Variants in RECQL5 observed in about 807,000 individuals in gnomAD.
RECQL5 encodes the protein RecQ like helicase 5.
A neutral mutation model predicts 103.4 loss-of-function variants in RECQL5; 88 were observed. The observed-to-expected ratio is 0.85, with a 90% CI of 0.72 to 1.02. The LOEUF is 1.02. RECQL5 is among the 50% of genes least tolerant of loss of function. The probability of loss-of-function intolerance (pLI) is 0.00; values close to 1 mark genes in which losing one functional copy is unlikely to be tolerated. For synonymous variants in RECQL5, 552 were observed against 507.9 expected, an observed-to-expected ratio of 1.09 and a Z score of -1.17; for missense variants, 1,232 against 1,284.3, an observed-to-expected ratio of 0.96 and a Z score of 0.62.
chr17:75,646,160 G>A (rs1203541412), intron 8 of RECQL5: 1 of 117,430 alleles, frequency 8.5e-6, no homozygotes, highest in Non-Finnish European at 1.8e-5. Flanking sequence ...AGCAGACAAA[G>A]GCACCAATGG....
rs1286826926 is a variant in RECQL5, at chr17:75,640,318, C to A, written c.1230-8650G>T. 2.6e-6 allele frequency: 4 copies of A among 1,548,678 alleles called. No homozygotes were observed. The highest frequency in any genetic ancestry group is 3.5e-6 in the Non-Finnish European group (4 of 1,145,432). On this transcript the variant is annotated intron_variant, in intron 8 of 19. Transcript: ENST00000317905. This position sits in a 1 kb window ranked among gnomAD's most constrained non-coding sequence, Gnocchi z 4.6. Reference sequence around the variant, plus strand: ...AGATCGTGGCCTTCTCAGTCATCATCCTTTTCACAGGTTAGTTGGGGCACT... The same window carrying A: ...AGATCGTGGCCTTCTCAGTCATCATACTTTTCACAGGTTAGTTGGGGCACT...
Position 75,630,975 on chromosome 17 carries a change from T to TG in RECQL5, c.1583dup (p.Asp529ArgfsTer2), listed in dbSNP as rs759393872. On this transcript the variant is annotated frameshift_variant and splice_region_variant, in exon 11 of 20. Transcript: ENST00000317905. LOFTEE classifies it high-confidence loss of function. ...CTCCAGGAACATTTCTGTACTGACC[T>TG]GGGGGTACAAATTCTTCTATCTTGG... is the stretch of plus-strand genomic sequence containing the variant. 1 of 1,613,768 alleles carries TG rather than the reference T, an allele frequency of 6.2e-7. No homozygotes were observed. The highest frequency in any genetic ancestry group is 8.5e-7 in the Non-Finnish European group (1 of 1,179,870).
In RECQL5 at chr17:75,627,494, C is replaced by T; in HGVS notation, c.2904G>A (p.Arg968=). 6.2e-7 allele frequency: 1 copy of T among 1,613,898 alleles called. No homozygotes were observed. The change falls in exon 20 of 20, where the codon AGG becomes AGA. Residue 968 remains arginine, a synonymous_variant. Transcript: ENST00000317905. ...SVKEEAQNLI[R]HFFHGRARCE... ...ACCGGGCCCGGCCATGGAAGAAGTGCCTGATGAGGTTCTGGGCCTCTTCTT... is the reference window on the plus strand; with the variant it reads ...ACCGGGCCCGGCCATGGAAGAAGTGTCTGATGAGGTTCTGGGCCTCTTCTT...
intron 3 of RECQL5, among the ~76,000 whole-genome samples, chr17:75,664,589 T>C (rs1260043118): frequency 2.0e-5 from 3 of 151,986 alleles, no homozygotes; most frequent in East Asian, 1.9e-4. Flanking sequence ...AGAAACCCAA[T>C]ATAGCGAATG....
rs1365463456 is a variant in RECQL5 at position 75,628,949 on chromosome 17, A to G, written c.2474T>C (p.Leu825Pro). 2 of 1,572,722 alleles carry G rather than the reference A, an allele frequency of 1.3e-6. No homozygotes were observed. The highest frequency in any genetic ancestry group is 1.7e-6 in the Non-Finnish European group (2 of 1,164,768). Reference sequence around the variant, plus strand: ...GTACCCTTACCTTGGCCTCTCCCTGAGGCACTCCTCAGTCTGGGGAGGGGC... The same window carrying G: ...GTACCCTTACCTTGGCCTCTCCCTGGGGCACTCCTCAGTCTGGGGAGGGGC... ...SPAPPQTEEC[L>P]RERPSTCPPR... Residue 825 changes from leucine (L) to proline (P), a missense_variant, in exon 16 of 20, where the codon CTC becomes CCC. Coordinates refer to ENST00000317905, the MANE Select transcript of RECQL5 (RefSeq NM_004259.7).
chr17:75,635,041 G>C (rs558640734), intron 8 of RECQL5, among the ~76,000 whole-genome samples: 22 of 152,306 alleles, frequency 1.4e-4, no homozygotes, highest in Admixed American at 1.3e-3. Context: ...TACTCCTCCT[G>C]CCGCCCTGTC....
chr17:75,629,592 G>C, intron 15 of RECQL5, 116 bp downstream of exon 15: 1 of 1,506,060 alleles, frequency 6.6e-7, no homozygotes, highest in South Asian at 1.3e-5. Context: ...GGAGGGAAGA[G>C]GCAGGCAGGA....
In RECQL5 at chr17:75,662,859, C is replaced by G; in HGVS notation, c.391G>C (p.Glu131Gln). The G allele has an allele frequency of 6.2e-7, 1 of 1,614,150 alleles. No individual in the cohort carries two copies. Among genetic ancestry groups the G allele is most frequent in the Non-Finnish European group, 8.5e-7 (1 of 1,180,036 alleles). Reference protein sequence around the residue: ...PQTKILYITPEMAASSSFQPT... With the variant: ...PQTKILYITPQMAASSSFQPT... ...TGGAAGGAGGATGAAGCTGCCATCT[C>G]TGGGGTGATGTACAGAATCTTGGTC... Residue 131 changes from glutamate to glutamine, a missense_variant, in exon 4 of 20, where the codon GAG becomes CAG. Glu to Gln is a conservative substitution (Grantham distance 29, BLOSUM62 2). Transcript: ENST00000317905.
chr17:75,647,354 C>T, intron 8 of RECQL5: 8 of 1,537,322 alleles, frequency 5.2e-6, no homozygotes, highest in Non-Finnish European at 7.0e-6. Flanking sequence ...CTCAGGTCCT[C>T]TGTCCCTCTT....
At chr17:75,633,413 C>T in intron 8 of RECQL5, 1 of 1,285,126 alleles carries the variant, frequency 7.8e-7, no homozygotes, top group Non-Finnish European at 1.0e-6. Context: ...CCTGCCCTGA[C>T]AGCTGGGCCA....
intron 8 of RECQL5, chr17:75,633,559 A>C (rs779698236): frequency 3.6e-5 from 46 of 1,274,208 alleles, no homozygotes; most frequent in Non-Finnish European, 4.5e-5. Flanking sequence ...GCTGAGCGGC[A>C]CAAGGGCCTC....
rs1230914509 is a variant in RECQL5 at position 75,640,195 on chromosome 17, G to A, written c.1230-8527C>T. On this transcript the variant is annotated intron_variant, in intron 8 of 19. Coordinates refer to ENST00000317905, the MANE Select transcript of RECQL5 (RefSeq NM_004259.7). This position sits in a 1 kb window ranked among gnomAD's most constrained non-coding sequence, Gnocchi z 4.6. ...CGGCAGGAGCCCCAACAGGAAGCCA[G>A]CGCGGCATGGCTGCCACCGACTTCG... The A allele has an allele frequency of 3.9e-6, 6 of 1,544,374 alleles. No individual in the cohort carries two copies. The East Asian group carries it at 1.2e-4, about 31-fold the overall frequency.
chr17:75,650,194 G>A (rs750959033), intron 8 of RECQL5: 28 of 988,498 alleles, frequency 2.8e-5, no homozygotes, highest in African/African-American at 3.5e-5. Flanking sequence ...AAAGGCTGCA[G>A]GCAAGGGTGG....
chr17:75,654,350 C>T (rs1568279470), intron 7 of RECQL5, among the ~76,000 whole-genome samples: 1 of 152,180 alleles, frequency 6.6e-6, no homozygotes, highest in Non-Finnish European at 1.5e-5. Context: ...GAGTCTTCTG[C>T]CCCCTAGTGC....
chr17:75,631,642 T>C lies in RECQL5; in HGVS notation c.1256A>G (p.Tyr419Cys). ...LGCRHAAIAK[Y>C]FGDALPACAK... is the part of the protein sequence containing the mutation. ...GCAGGCAGGCAGCGCATCCCCGAAG[T>C]ACTTGGCAATGGCGGCATGGCGGCA... Residue 419 changes from tyrosine to cysteine, a missense_variant, in exon 9 of 20, where the codon TAC becomes TGC. Physicochemically the swap from Tyr to Cys is radical, Grantham distance 194 (BLOSUM62 -2). Transcript: ENST00000317905. 1.2e-6 allele frequency: 2 copies of C among 1,611,748 alleles called. No homozygotes were observed. The highest frequency in any genetic ancestry group is 1.7e-6 in the Non-Finnish European group (2 of 1,179,784).
At chr17:75,650,390 CA>C (rs1256024497) in intron 8 of RECQL5, 16 of 1,203,054 alleles carry the variant, frequency 1.3e-5, no homozygotes, top group Non-Finnish European at 1.7e-5. Context: ...TTTTTTCTTG[CA>C]AAAACCAAGA....
Position 75,640,519 on chromosome 17 carries a change from G to A in RECQL5, c.1230-8851C>T, listed in dbSNP as rs992851073. Among the ~76,000 whole-genome samples, 3 of 152,112 alleles carry A rather than the reference G, an allele frequency of 2.0e-5. No homozygotes were observed. Among genetic ancestry groups the A allele is most frequent in the African/African-American group, 7.2e-5 (3 of 41,428 alleles). On this transcript the variant is annotated intron_variant, in intron 8 of 19. Coordinates refer to ENST00000317905, the MANE Select transcript of RECQL5 (RefSeq NM_004259.7). This position sits in a 1 kb window ranked among gnomAD's most constrained non-coding sequence, Gnocchi z 4.6. ...TGCTGCTTGGGTGATGGGCGGTGCT[G>A]GGGACTGGGCCCAGCAGTACCCCGG...
chr17:75,662,783 A>G lies in RECQL5; in HGVS notation c.467T>C (p.Val156Ala), dbSNP rs1362592493. 6.2e-7 allele frequency: 1 copy of G among 1,613,996 alleles called. No homozygotes were observed. Among genetic ancestry groups the G allele is most frequent in the East Asian group, 2.2e-5 (1 of 44,894 alleles). Residue 156 changes from valine to alanine, a missense_variant, in exon 4 of 20, where the codon GTG (valine) becomes GCG (alanine). Coordinates refer to ENST00000317905, the MANE Select transcript of RECQL5 (RefSeq NM_004259.7). Reference sequence around the variant, plus strand: ...TTGGGAAACACAATGAGCTTCATCCACCACCAAGTAAGACAGCAGGTGGCG... The same window carrying G: ...TTGGGAAACACAATGAGCTTCATCCGCCACCAAGTAAGACAGCAGGTGGCG... ...VSRHLLSYLV[V>A]DEAHCVSQWG...
chr17:75,660,832 T>C (rs2059689261), intron 6 of RECQL5, 123 bp downstream of exon 6: 2 of 757,208 alleles, frequency 2.6e-6, no homozygotes, highest in Admixed American at 3.9e-5. Flanking sequence ...GACTCTCTCC[T>C]GGAGCTTCCT....
Sources: gnomAD v4.1 joint callset for allele counts (sites outside exome capture counted in the v4.1 genomes callset) on GRCh38, gnomAD v4.1.1 for gene constraint, Gnocchi (gnomAD v3.1) non-coding constraint, MANE v1.5 for transcripts, NCBI Gene and HGNC (gene_info 2026-07-23, HGNC 2026-07-21) for gene names.